Variants in INO80D observed in about 807,000 individuals in gnomAD.
INO80D encodes the protein INO80 complex subunit D.
A neutral mutation model predicts 87.6 loss-of-function variants in INO80D; 21 were observed. The ratio of observed to expected loss-of-function variants is 0.24; its 90% CI spans 0.17 to 0.35. The LOEUF (loss-of-function observed/expected upper bound fraction) is 0.35. Among genes scored for constraint, INO80D ranks in the 10% least tolerant of loss-of-function variants. The probability of loss-of-function intolerance (pLI) is 1.00; values close to 1 mark genes in which losing one functional copy is unlikely to be tolerated. For synonymous variants in INO80D, 440 were observed against 491.0 expected, an observed-to-expected ratio of 0.90 and a Z score of 1.37; for missense variants, 982 against 1,280.7, an observed-to-expected ratio of 0.77 and a Z score of 3.56.
In INO80D at chr2:205,994,166, A is replaced by G. The variant is rs1376931520; in HGVS notation, c.*10202T>C. ...CTCATCTTGCTCCTACAGTCTGTGC[A>G]GAAACAAGTGGCTCCTAACTTTTGT... On this transcript the variant is annotated 3_prime_UTR_variant, in exon 11 of 11. Coordinates refer to ENST00000403263, the MANE Select transcript of INO80D (RefSeq NM_017759.5). 1.3e-5 allele frequency: 2 copies of G among 152,232 alleles called. No individual in the cohort carries two copies. Among genetic ancestry groups the G allele is most frequent in the Non-Finnish European group, 2.9e-5 (2 of 68,042 alleles). 9.4% of individuals were successfully genotyped at this position (152,232 alleles called of 1,614,324 possible). A position where few individuals can be genotyped will look rare whatever the true frequency, so the allele number is the denominator to read the frequency against.
At chr2:206,069,933 G>A (rs544509041) in intron 1 of INO80D, among the ~76,000 whole-genome samples, 6 of 152,058 alleles carry the variant, frequency 3.9e-5, no homozygotes, top group South Asian at 2.1e-4. Context: ...TTCTTTCCCC[G>A]AAAAGAGCAG....
chr2:206,055,871 A>G (rs1265002423), intron 4 of INO80D, among the ~76,000 whole-genome samples: 1 of 152,242 alleles, frequency 6.6e-6, no homozygotes, highest in African/African-American at 2.4e-5. Context: ...ATCAGGTATT[A>G]TACGTAATCT....
intron 5 of INO80D, among the ~76,000 whole-genome samples, chr2:206,034,091 T>C (rs1034486121): frequency 1.3e-5 from 2 of 152,128 alleles, no homozygotes; most frequent in East Asian, 1.9e-4. Context: ...AGCAGCATGA[T>C]TGAAATGGTA....
chr2:206,056,995 A>G (rs1429625909), intron 3 of INO80D, 52 bp from the exon 4 acceptor site: 1 of 1,480,250 alleles, frequency 6.8e-7, no homozygotes, highest in Non-Finnish European at 9.0e-7. Flanking sequence ...TATTTTTTAA[A>G]AGTAGAACAT....
chr2:206,072,655 T>C (rs2105902995), intron 1 of INO80D, among the ~76,000 whole-genome samples: 1 of 152,238 alleles, frequency 6.6e-6, no homozygotes, highest in South Asian at 2.1e-4. Flanking sequence ...TTCTCCCTAT[T>C]TTTAAAGTTG....
chr2:206,028,771 A>T (rs906028632), intron 5 of INO80D, among the ~76,000 whole-genome samples: 2 of 152,228 alleles, frequency 1.3e-5, no homozygotes, highest in African/African-American at 4.8e-5. Flanking sequence ...ACAGTTTATT[A>T]TCTAAGAGCT....
intron 8 of INO80D, among the ~76,000 whole-genome samples, chr2:206,012,002 C>T (rs74468562): frequency 6.6e-6 from 1 of 152,104 alleles, no homozygotes; most frequent in African/African-American, 2.4e-5. Context: ...GTGAGCAATG[C>T]GGAAACTTGG....
chr2:206,013,462 G>A (rs1188581827), intron 8 of INO80D, among the ~76,000 whole-genome samples: 2 of 151,146 alleles, frequency 1.3e-5, no homozygotes, highest in Non-Finnish European at 2.9e-5. Context: ...TGAGACAGAA[G>A]AATGGCGTGA....
At chr2:206,041,437 T>C (rs894609239) in intron 5 of INO80D, among the ~76,000 whole-genome samples, 1 of 152,120 alleles carries the variant, frequency 6.6e-6, no homozygotes, top group Non-Finnish European at 1.5e-5. Flanking sequence ...TAAGGAAAGA[T>C]CTCAAAGCAA....
Position 206,056,782 on chromosome 2 carries a change from T to A in INO80D, c.380A>T (p.Asp127Val). ...TLALKMPNGL[D>V]GMSLSPPGAR... is the part of the protein sequence containing the mutation. Reference sequence around the variant, plus strand: ...CCCAGGTGGAGAGAGGGACATTCCATCCAGTCCGTTGGGCATCTTCAAGGC... The same window carrying A: ...CCCAGGTGGAGAGAGGGACATTCCAACCAGTCCGTTGGGCATCTTCAAGGC... The change falls in exon 4 of 11, where the codon GAT (aspartate) becomes GTT (valine). Residue 127 changes from aspartate to valine, a missense_variant. Asp to Val is a radical substitution (Grantham distance 152). Coordinates refer to ENST00000403263, the MANE Select transcript of INO80D (RefSeq NM_017759.5). 6.2e-7 allele frequency: 1 copy of A among 1,612,768 alleles called. No individual in the cohort carries two copies. Among genetic ancestry groups the A allele is most frequent in the Non-Finnish European group, 8.5e-7 (1 of 1,179,392 alleles).
intron 1 of INO80D, among the ~76,000 whole-genome samples, chr2:206,068,715 T>A (rs940926422): frequency 1.3e-5 from 2 of 152,178 alleles, no homozygotes; most frequent in Admixed American, 1.3e-4. Flanking sequence ...TTTTCTTTTT[T>A]TTGAGACAGT....
Position 206,009,641 on chromosome 2 carries a change from C to T in INO80D, c.1696G>A (p.Val566Ile), listed in dbSNP as rs1358364108. 3.1e-6 allele frequency: 5 copies of T among 1,613,948 alleles called. No homozygotes were observed. Among genetic ancestry groups the T allele is most frequent in the Non-Finnish European group, 2.5e-6 (3 of 1,179,876 alleles). ...RRPQKPIPPA[V>I]PQGNLSMPAS... ...GGCATGCTGAGGTTCCCTTGGGGGA[C>T]TGCAGGTGGAATGGGTTTTTGGGGT... The change falls in exon 9 of 11, where the codon GTC becomes ATC. Residue 566 changes from valine to isoleucine, a missense_variant. Transcript: ENST00000403263.
At chr2:206,076,660 C>CA in intron 1 of INO80D, among the ~76,000 whole-genome samples, 1 of 152,194 alleles carries the variant, frequency 6.6e-6, no homozygotes, top group Non-Finnish European at 1.5e-5. Context: ...ATACTGTACT[C>CA]AGACAGCACT....
intron 9 of INO80D, among the ~76,000 whole-genome samples, chr2:206,009,223 G>A (rs929750189): frequency 6.6e-6 from 1 of 152,154 alleles, no homozygotes; most frequent in East Asian, 1.9e-4. Context: ...CAGAAGAATC[G>A]CTTGAACCCT....
chr2:206,042,735 A>C (rs534811974), intron 5 of INO80D, among the ~76,000 whole-genome samples: 1 of 151,864 alleles, frequency 6.6e-6, no homozygotes, highest in African/African-American at 2.4e-5. Context: ...CTGTAATCCC[A>C]ATACTTCGGA....
chr2:206,078,332 G>A (rs1053731029), intron 1 of INO80D, among the ~76,000 whole-genome samples: 4 of 152,096 alleles, frequency 2.6e-5, no homozygotes, highest in South Asian at 2.1e-4. Context: ...CAGAAGAATC[G>A]CTTGAACCGG....
chr2:206,054,093 G>A (rs1689450176), intron 4 of INO80D, among the ~76,000 whole-genome samples: 1 of 152,024 alleles, frequency 6.6e-6, no homozygotes, highest in Non-Finnish European at 1.5e-5. Flanking sequence ...ACCGGCCTCA[G>A]CCTCTCAAAG....
chr2:206,077,168 T>G (rs1690141750), intron 1 of INO80D, among the ~76,000 whole-genome samples: 1 of 151,942 alleles, frequency 6.6e-6, no homozygotes, highest in Non-Finnish European at 1.5e-5. Context: ...TCCCAGCTAC[T>G]CAGGAGGCTG....
intron 5 of INO80D, among the ~76,000 whole-genome samples, chr2:206,030,462 CAA>C (rs5838009): frequency 7.1e-6 from 1 of 140,504 alleles, no homozygotes; most frequent in Non-Finnish European, 1.5e-5. Context: ...GACTTTGTCT[CAA>C]AAAAAAAAAA....
Sources: gnomAD v4.1 joint callset for allele counts (sites outside exome capture counted in the v4.1 genomes callset) on GRCh38, gnomAD v4.1.1 for gene constraint, MANE v1.5 for transcripts, NCBI Gene and HGNC (gene_info 2026-07-23, HGNC 2026-07-21) for gene names.